Variants in GPAT3 observed in about 807,000 individuals in gnomAD.
GPAT3 encodes the protein glycerol-3-phosphate acyltransferase 3.
GPAT3 carries 53 observed loss-of-function variants against 58.8 expected under a neutral mutation model. The observed-to-expected ratio is 0.90, with a 90% confidence interval of 0.72 to 1.13. The LOEUF is 1.13. Among genes scored for constraint, GPAT3 ranks in the 50% most tolerant of loss-of-function variants. The pLI is 0.00. For synonymous variants in GPAT3, 197 were observed against 187.4 expected (o/e 1.05, Z -0.42); for missense variants, 511 against 527.6 (o/e 0.97, Z 0.31).
intron 1 of GPAT3, among the ~76,000 whole-genome samples, chr4:83,543,485 C>T (rs890278728): frequency 1.2e-4 from 18 of 152,096 alleles, no homozygotes; most frequent in African/African-American, 3.9e-4. Flanking sequence ...TCTTTATACT[C>T]CTAGGTATAT....
chr4:83,590,425 G>A (rs1428830169), intron 6 of GPAT3, 133 bp downstream of exon 6: 3 of 716,768 alleles, frequency 4.2e-6, no homozygotes, highest in Non-Finnish European at 6.8e-6. Flanking sequence ...AGCTATATAA[G>A]TTATGTAATG....
At chr4:83,545,925 A>G (rs1055852122) in intron 2 of GPAT3, among the ~76,000 whole-genome samples, 3 of 152,124 alleles carry the variant, frequency 2.0e-5, no homozygotes, top group Non-Finnish European at 4.4e-5. Flanking sequence ...ATTGTGGTAC[A>G]TGTTTTGGGC....
chr4:83,592,840 T>G (rs1167651317), intron 6 of GPAT3, among the ~76,000 whole-genome samples: 2 of 152,098 alleles, frequency 1.3e-5, no homozygotes, highest in Non-Finnish European at 2.9e-5. Flanking sequence ...GTGGGTAAAA[T>G]GTTTGTATTT....
At chr4:83,587,407 T>A (rs1418670320) in intron 4 of GPAT3, 78 bp downstream of exon 4, 6 of 1,243,440 alleles carry the variant, frequency 4.8e-6, no homozygotes, top group Non-Finnish European at 5.8e-6. Context: ...AATATTTGTT[T>A]GATTCCTATG....
chr4:83,550,005 G>A (rs1043472160), intron 2 of GPAT3, among the ~76,000 whole-genome samples: 4 of 151,918 alleles, frequency 2.6e-5, no homozygotes, highest in Non-Finnish European at 4.4e-5. Context: ...TTACAGGTGT[G>A]AGCCACCACG....
At chr4:83,563,682 T>C (rs1007851759) in intron 2 of GPAT3, among the ~76,000 whole-genome samples, 1 of 152,012 alleles carries the variant, frequency 6.6e-6, no homozygotes, top group Admixed American at 6.6e-5. Flanking sequence ...GGTTTTGCTA[T>C]GTTGGCCAGG....
At position 83,597,504 on chromosome 4, in the gene GPAT3, G is replaced by T; in HGVS notation, c.985G>T (p.Val329Phe). 1 of 1,560,482 alleles carries T rather than the reference G, an allele frequency of 6.4e-7. No homozygotes were observed. Residue 329 changes from valine (V) to phenylalanine (F), a missense_variant, in exon 9 of 12, where the codon GTT (valine) becomes TTT (phenylalanine). By Grantham distance (50) the Val-to-Phe change is conservative (BLOSUM62 -1). Coordinates refer to ENST00000264409, the MANE Select transcript of GPAT3 (RefSeq NM_032717.5). ...TGAAATTGGAGGAACCATACATCCA[G>T]TTGCAATTAAGGTAAAACAGATACC... ...SFEIGGTIHP[V>F]AIKYNPQFGD...
intron 2 of GPAT3, among the ~76,000 whole-genome samples, chr4:83,562,700 A>G (rs961921186): frequency 1.4e-4 from 22 of 152,142 alleles, no homozygotes. Flanking sequence ...AAATTCATAG[A>G]AAAAGGGCAG....
chr4:83,567,928 CT>C (rs929278528), intron 2 of GPAT3, among the ~76,000 whole-genome samples: 6 of 151,234 alleles, frequency 4.0e-5, no homozygotes, highest in Non-Finnish European at 8.9e-5. Context: ...CTTTGAGCAA[CT>C]TTTTTTTTAA....
At chr4:83,539,441 T>C (rs1172803255) in intron 1 of GPAT3, among the ~76,000 whole-genome samples, 2 of 152,256 alleles carry the variant, frequency 1.3e-5, no homozygotes, top group Non-Finnish European at 2.9e-5. Context: ...TTGTCTATTA[T>C]ATGTTTACTT....
chr4:83,604,891 C>T lies in GPAT3; in HGVS notation c.*124C>T. The T allele has an allele frequency of 2.4e-6, 2 of 842,736 alleles. No individual in the cohort carries two copies. Among genetic ancestry groups the T allele is most frequent in the Non-Finnish European group, 3.6e-6 (2 of 555,922 alleles). 52.2% of individuals were successfully genotyped at this position (842,736 alleles called of 1,614,324 possible). A position where few individuals can be genotyped will look rare whatever the true frequency, so the allele number is the denominator to read the frequency against. Reference sequence around the variant, plus strand: ...AATCTTTTCTACAGAATGATTGTCTCTACCTCTTTATGCCAGAGGCAGAAC... The same window carrying T: ...AATCTTTTCTACAGAATGATTGTCTTTACCTCTTTATGCCAGAGGCAGAAC... On this transcript the variant is annotated 3_prime_UTR_variant, in exon 12 of 12. Coordinates refer to ENST00000264409, the MANE Select transcript of GPAT3 (RefSeq NM_032717.5).
chr4:83,579,069 TCTTTCTTTCTTC>T (rs1331279570), intron 2 of GPAT3, among the ~76,000 whole-genome samples: 2,701 of 38,886 alleles, frequency 0.069, 646 homozygotes, highest in South Asian at 0.11. Flanking sequence ...TTTCTTTCTT[TCTTTCTTTCTTC>T]CCTTCCTTCC....
At position 83,588,307 on chromosome 4, in the gene GPAT3, T is replaced by A. The variant is rs1310904760; in HGVS notation, c.644+8T>A. The stretch of plus-strand genomic sequence containing the variant: ...CATTCATTATCATAACAAGTGAGTA[T>A]CTGCTCCAATGTGCCTGTCTTTTTC... On this transcript the variant is annotated splice_region_variant and intron_variant, in intron 5 of 11. Transcript: ENST00000264409. 1 of 1,460,280 alleles carries A rather than the reference T, an allele frequency of 6.8e-7. No homozygotes were observed. The highest frequency in any genetic ancestry group is 3.0e-5 in the African/African-American group (1 of 33,484). The allele number at this position is 1,460,280 out of a possible 1,614,324, so 90.5% of individuals were successfully genotyped here.
chr4:83,548,984 A>G (rs898716406), intron 2 of GPAT3, among the ~76,000 whole-genome samples: 4 of 150,200 alleles, frequency 2.7e-5, no homozygotes, highest in African/African-American at 9.8e-5. Flanking sequence ...TACATTGATT[A>G]TATGAACATT....
intron 2 of GPAT3, among the ~76,000 whole-genome samples, chr4:83,580,789 A>C (rs1726083275): frequency 6.6e-6 from 1 of 152,064 alleles, no homozygotes; most frequent in Non-Finnish European, 1.5e-5. Context: ...TTTTCTTATT[A>C]AATAATTTTC....
chr4:83,595,097 C>A, intron 7 of GPAT3, 137 bp downstream of exon 7: 1 of 678,624 alleles, frequency 1.5e-6, no homozygotes, highest in Non-Finnish European at 2.5e-6. Flanking sequence ...ATTTTTCTGG[C>A]AAATCACCTG....
intron 2 of GPAT3, among the ~76,000 whole-genome samples, 171 bp from the exon 3 acceptor site, chr4:83,581,391 A>C (rs1726118622): frequency 6.6e-6 from 1 of 151,834 alleles, no homozygotes; most frequent in African/African-American, 2.4e-5. Flanking sequence ...CAGTGATTTC[A>C]CCTCTTTTCC....
chr4:83,540,272 G>T (rs1286627043), intron 1 of GPAT3, among the ~76,000 whole-genome samples: 2 of 152,136 alleles, frequency 1.3e-5, no homozygotes, highest in Admixed American at 6.5e-5. Context: ...AAGAGAACTT[G>T]GTTGATAAGT....
At chr4:83,584,043 G>A (rs748896648) in intron 3 of GPAT3, among the ~76,000 whole-genome samples, 11 of 152,226 alleles carry the variant, frequency 7.2e-5, no homozygotes, top group East Asian at 5.8e-4. Context: ...GGATTGGTTC[G>A]TATCCAAGGT....
Sources: allele counts gnomAD v4.1 joint callset (sites outside exome capture counted in the v4.1 genomes callset), GRCh38; gene constraint gnomAD v4.1.1; transcripts MANE v1.5; gene names NCBI Gene and HGNC (gene_info 2026-07-23, HGNC 2026-07-21).